C7: variants seen among roughly 807,000 people sequenced by gnomAD.
C7 encodes complement component C7.
A neutral mutation model predicts 104.8 loss-of-function variants in C7; 83 were observed. The observed-to-expected ratio is 0.79, with a 90% confidence interval of 0.66 to 0.95. The LOEUF (loss-of-function observed/expected upper bound fraction) is 0.95. C7 is among the 40% of genes least tolerant of loss of function. C7 has a pLI of 0.00. For missense variants in C7, 1,070 were observed against 1,011.2 expected, an observed-to-expected ratio of 1.06 and a Z score of -0.79; for synonymous variants, 415 against 360.6, an observed-to-expected ratio of 1.15 and a Z score of -1.71.
intron 8 of C7, among the ~76,000 whole-genome samples, chr5:40,948,896 A>G (rs1375107693): frequency 6.6e-6 from 1 of 152,108 alleles, no homozygotes; most frequent in Non-Finnish European, 1.5e-5. Flanking sequence ...GTAAACTATA[A>G]TATTTTTTCA....
chr5:40,976,667 C>A, intron 15 of C7, 83 bp from the exon 16 acceptor site: 1 of 881,086 alleles, frequency 1.1e-6, no homozygotes, highest in Admixed American at 2.3e-5. Context: ...ACTACAGACC[C>A]TGGTCCAGCA....
At chr5:40,948,617 G>C (rs1036582662) in intron 8 of C7, among the ~76,000 whole-genome samples, 8 of 152,152 alleles carry the variant, frequency 5.3e-5, no homozygotes, top group African/African-American at 1.9e-4. Flanking sequence ...ATTGAGAGAA[G>C]AGTCCTCACT....
chr5:40,922,586 A>G (rs1739463699), intron 1 of C7, among the ~76,000 whole-genome samples: 1 of 151,168 alleles, frequency 6.6e-6, no homozygotes, highest in Non-Finnish European at 1.5e-5. Context: ...CTGTAATTTC[A>G]ACTACTAAGG....
chr5:40,968,560 T>G, intron 14 of C7, among the ~76,000 whole-genome samples: 1 of 96,806 alleles, frequency 1.0e-5, no homozygotes, highest in East Asian at 3.3e-4. Context: ...AAAACAATTA[T>G]ATATATTTTA....
rs540416559 is a variant in C7 at position 40,934,788 on chromosome 5, AT to A, written c.280+324del. Among the ~76,000 whole-genome samples, 3 of 152,276 alleles carry A rather than the reference AT, an allele frequency of 2.0e-5. No homozygotes were observed. The South Asian group carries it at 6.2e-4, about 32-fold the overall frequency. On this transcript the variant is annotated intron_variant, in intron 4 of 17. Transcript: ENST00000313164. ...GAGTGAGTCTTGTACATATATTGAG[AT>A]TAGACGAAAACAATGTTACTGCCTA...
At chr5:40,943,005 G>A (rs536156337) in intron 6 of C7, among the ~76,000 whole-genome samples, 4 of 152,178 alleles carry the variant, frequency 2.6e-5, no homozygotes, top group East Asian at 1.9e-4. Context: ...CTTGTGACCC[G>A]CCCACCTTGG....
At chr5:40,956,862 A>G (rs764171872) in intron 10 of C7, among the ~76,000 whole-genome samples, 2 of 152,220 alleles carry the variant, frequency 1.3e-5, no homozygotes, top group African/African-American at 2.4e-5. Flanking sequence ...GCCTGTATTC[A>G]TTGTCAGCAT....
Position 40,976,839 on chromosome 5 carries a change from G to GGGT in C7, c.2165_2165+2dup. ...TGTTTGTAAAATGCCCTACGAATGT[G>GGGT]GGTAAGTGCCGCCTTTGCTCATTTC... On this transcript the variant is annotated stop_gained and inframe_insertion and splice_region_variant, in exon 16 of 18. Transcript: ENST00000313164. LOFTEE classifies it high-confidence loss of function. The GGGT allele has an allele frequency of 3.1e-6, 5 of 1,596,962 alleles. No homozygotes were observed. Among genetic ancestry groups the GGGT allele is most frequent in the Non-Finnish European group, 4.3e-6 (5 of 1,170,786 alleles).
chr5:40,950,298 T>C (rs113120422), intron 9 of C7, among the ~76,000 whole-genome samples: 46 of 152,280 alleles, frequency 3.0e-4, no homozygotes, highest in Non-Finnish European at 5.9e-4. Context: ...GTGAAAATAC[T>C]CAATGTTTAG....
chr5:40,968,568 T>TTTTA (rs1740610737), intron 14 of C7, among the ~76,000 whole-genome samples: 1 of 63,726 alleles, frequency 1.6e-5, no homozygotes, highest in Non-Finnish European at 3.1e-5. Flanking sequence ...TATATATATT[T>TTTTA]TATATATATA....
intron 14 of C7, among the ~76,000 whole-genome samples, 199 bp downstream of exon 14, chr5:40,965,072 G>C (rs759568207): frequency 6.6e-6 from 1 of 152,132 alleles, no homozygotes; most frequent in Non-Finnish European, 1.5e-5. Flanking sequence ...ATTCAGTGAG[G>C]TCAATTTCAT....
intron 9 of C7, among the ~76,000 whole-genome samples, chr5:40,952,644 C>G (rs916918278): frequency 5.9e-5 from 9 of 152,098 alleles, no homozygotes; most frequent in African/African-American, 1.2e-4. Flanking sequence ...TCCCTCCCCC[C>G]TCTCCCCACC....
intron 9 of C7, among the ~76,000 whole-genome samples, chr5:40,952,111 T>C (rs1252238163): frequency 6.6e-6 from 1 of 152,250 alleles, no homozygotes; most frequent in African/African-American, 2.4e-5. Flanking sequence ...AGTTGGAAGC[T>C]GCTTACCAAT....
chr5:40,971,768 G>T (rs1419209488), intron 14 of C7, among the ~76,000 whole-genome samples: 1 of 152,048 alleles, frequency 6.6e-6, no homozygotes, highest in Non-Finnish European at 1.5e-5. Context: ...TTTGTATAAG[G>T]TATAAGGAAG....
At chr5:40,923,739 C>A (rs1222579188) in intron 1 of C7, among the ~76,000 whole-genome samples, 1 of 131,254 alleles carries the variant, frequency 7.6e-6, no homozygotes, top group African/African-American at 2.8e-5. Context: ...GAGCAAGACT[C>A]TGTCTTAAAA....
At chr5:40,931,453 A>G (rs1451762959) in intron 3 of C7, among the ~76,000 whole-genome samples, 2 of 152,218 alleles carry the variant, frequency 1.3e-5, no homozygotes, top group Non-Finnish European at 2.9e-5. Flanking sequence ...AATAACATAG[A>G]ATGACATTTT....
chr5:40,972,508 T>A lies in C7; in HGVS notation c.1988T>A (p.Met663Lys). 1 of 1,613,886 alleles carries A rather than the reference T, an allele frequency of 6.2e-7. No homozygotes were observed. The highest frequency in any genetic ancestry group is 8.5e-7 in the Non-Finnish European group (1 of 1,179,778). Residue 663 changes from methionine to lysine, a missense_variant, in exon 15 of 18, where the codon ATG becomes AAG. By Grantham distance (95) the Met-to-Lys change is moderately conservative. Coordinates refer to ENST00000313164, the MANE Select transcript of C7 (RefSeq NM_000587.4). ...GTGACTGTTTCCTGTTCAGGTGGCA[T>A]GTCCTTAGAAGGTCCTTCAGCATTT... ...EKVTVSCSGG[M>K]SLEGPSAFLC...
In C7 at chr5:40,912,624, G is replaced by A. The variant is rs553202888; in HGVS notation, c.6+3008G>A. Among the ~76,000 whole-genome samples the A allele has an allele frequency of 1.8e-4, 28 of 152,200 alleles. 1 individual carries two copies. The highest frequency in any genetic ancestry group is 6.5e-4 in the African/African-American group (27 of 41,532). On this transcript the variant is annotated intron_variant, in intron 1 of 17. Transcript: ENST00000313164. ...TCCTACCACTTTGTCCTCCCCAAAT[G>A]CCAGGATTACAGGCATGAGCCACCA...
At chr5:40,965,925 G>A (rs996409967) in intron 14 of C7, among the ~76,000 whole-genome samples, 1 of 151,808 alleles carries the variant, frequency 6.6e-6, no homozygotes, top group Admixed American at 6.6e-5. Context: ...TTATAGGTGC[G>A]AGCTACTGTG....
Sources: gnomAD v4.1 joint callset for allele counts (sites outside exome capture counted in the v4.1 genomes callset) on GRCh38, gnomAD v4.1.1 for gene constraint, MANE v1.5 for transcripts, NCBI Gene and HGNC (gene_info 2026-07-23, HGNC 2026-07-21) for gene names.